Variants in USH2A observed in about 807,000 individuals in gnomAD.
The protein encoded by USH2A is Usher syndrome 2A (autosomal recessive, mild).
A neutral mutation model predicts 538.9 loss-of-function variants in USH2A; 443 were observed. The observed-to-expected ratio is 0.82, with a 90% CI of 0.76 to 0.89. The LOEUF is 0.89. USH2A is among the 40% of genes least tolerant of loss of function. USH2A has a pLI of 0.00. For missense variants in USH2A, 6,633 were observed against 6,324.8 expected, an observed-to-expected ratio of 1.05 and a Z score of -1.65; for synonymous variants, 2,413 against 2,273.5, an observed-to-expected ratio of 1.06 and a Z score of -1.75.
At chr1:215,997,190 C>T (rs1237239856) in intron 34 of USH2A, among the ~76,000 whole-genome samples, 2 of 152,112 alleles carry the variant, frequency 1.3e-5, no homozygotes, top group African/African-American at 4.8e-5. Context: ...GTTGAATCCT[C>T]CCTGAAAATA....
chr1:216,248,812 G>T (rs1040034461), intron 12 of USH2A, among the ~76,000 whole-genome samples: 1 of 151,996 alleles, frequency 6.6e-6, no homozygotes, highest in Non-Finnish European at 1.5e-5. Flanking sequence ...TTCCTGACAG[G>T]TAATCTATTC....
intron 38 of USH2A, among the ~76,000 whole-genome samples, chr1:215,913,935 T>A (rs1049848020): frequency 1.3e-5 from 2 of 151,970 alleles, no homozygotes; most frequent in Admixed American, 6.6e-5. Flanking sequence ...TTTATTAACC[T>A]GCATAATTAC....
In USH2A at chr1:216,327,613, A is replaced by T; in HGVS notation, c.826T>A (p.Tyr276Asn). The T allele has an allele frequency of 6.2e-7, 1 of 1,613,270 alleles. No individual in the cohort carries two copies. ...FVGRMQDFRL[Y>N]QVALTNREIL... ...TACCTGTTTGTAAGTGCCACTTGGT[A>T]TAATCGAAAATCTTGCATTCTTCCG... Residue 276 changes from tyrosine to asparagine, a missense_variant, in exon 5 of 72, where the codon TAC becomes AAC. Transcript: ENST00000307340.
intron 21 of USH2A, among the ~76,000 whole-genome samples, chr1:216,152,810 TA>T (rs940218865): frequency 6.6e-6 from 1 of 152,128 alleles, no homozygotes; most frequent in African/African-American, 2.4e-5. Flanking sequence ...CCCACAGCCC[TA>T]AATAAAAAAA....
chr1:216,078,275 A>C lies in USH2A; in HGVS notation c.5386T>G (p.Cys1796Gly). ...ATGACTTTATTCCACTTTCCATTAC[A>C]ATAGGATAGCCCCAGCAATAGATCC... ...QVDLLLGLSY[C>G]NGKWNKVIIK... The change falls in exon 27 of 72, where the codon TGT becomes GGT. Residue 1796 changes from cysteine (C) to glycine (G), a missense_variant. Cys to Gly is a radical substitution (Grantham distance 159). Transcript: ENST00000307340. The C allele has an allele frequency of 6.2e-7, 1 of 1,613,818 alleles. No individual in the cohort carries two copies. Among genetic ancestry groups the C allele is most frequent in the Non-Finnish European group, 8.5e-7 (1 of 1,179,720 alleles).
rs1208322830 is a variant in USH2A at position 215,799,055 on chromosome 1, T to G, written c.9810A>C (p.Arg3270Ser). 6.2e-7 allele frequency: 1 copy of G among 1,614,108 alleles called. No individual in the cohort carries two copies. The highest frequency in any genetic ancestry group is 1.1e-5 in the South Asian group (1 of 91,086). Residue 3270 changes from arginine (R) to serine (S), a missense_variant, in exon 50 of 72, where the codon AGA becomes AGC. Coordinates refer to ENST00000307340, the MANE Select transcript of USH2A (RefSeq NM_206933.4). ...SVGIGDSCCG[R>S]MPYSTSGNQI... ...GGTTTCCTGAGGTGGAGTACGGCAT[T>G]CTGCCACAGCAGGAATCACCAATGC...
chr1:216,006,978 G>T (rs991074040), intron 32 of USH2A, among the ~76,000 whole-genome samples: 1 of 152,166 alleles, frequency 6.6e-6, no homozygotes, highest in Non-Finnish European at 1.5e-5. Flanking sequence ...CCCACATGTT[G>T]TGGGAGGGAC....
At chr1:215,951,241 C>T (rs2102440911) in intron 37 of USH2A, among the ~76,000 whole-genome samples, 1 of 152,236 alleles carries the variant, frequency 6.6e-6, no homozygotes, top group Middle Eastern at 3.4e-3. Context: ...CCCAGAGATT[C>T]TGGTATGTTG....
intron 61 of USH2A, among the ~76,000 whole-genome samples, chr1:215,727,554 C>A (rs1039423174): frequency 2.6e-5 from 4 of 151,860 alleles, no homozygotes; most frequent in Non-Finnish European, 5.9e-5. Flanking sequence ...TGGTGAAAAC[C>A]CCTCTCTATT....
chr1:215,956,464 T>A lies in USH2A; in HGVS notation c.7120+8853A>T, dbSNP rs367543705. On this transcript the variant is annotated intron_variant, in intron 37 of 71. Coordinates refer to ENST00000307340, the MANE Select transcript of USH2A (RefSeq NM_206933.4). The stretch of plus-strand genomic sequence containing the variant: ...GCCTTCCAAAGCCAAAGGTACATCA[T>A]CTGGGTGATCTGCTGATTGTATTTT... Among the ~76,000 whole-genome samples the A allele has an allele frequency of 1.1e-4, 16 of 152,290 alleles. No individual in the cohort carries two copies. In the East Asian group the frequency reaches 1.7e-3, roughly 17 times the overall value.
intron 7 of USH2A, 22 bp downstream of exon 7, chr1:216,324,146 A>G: frequency 5.0e-6 from 8 of 1,607,456 alleles, no homozygotes; most frequent in Non-Finnish European, 6.8e-6. Flanking sequence ...CTATTAAATT[A>G]ATTGTTTAAA....
rs540284535 is a variant in USH2A at position 215,945,462 on chromosome 1, C to T, written c.7121-10667G>A. 2.6e-5 allele frequency among the ~76,000 whole-genome samples: 4 copies of T among 152,098 alleles called. No homozygotes were observed. The South Asian group carries it at 8.3e-4, about 32-fold the overall frequency. On this transcript the variant is annotated intron_variant, in intron 37 of 71. Coordinates refer to ENST00000307340, the MANE Select transcript of USH2A (RefSeq NM_206933.4). The stretch of plus-strand genomic sequence containing the variant: ...TTTGTCATGAAAAATAATCATTTAC[C>T]TAATAGCACCCTAAGAATGTGGTTT...
intron 60 of USH2A, among the ~76,000 whole-genome samples, chr1:215,733,176 A>G (rs541623503): frequency 1.6e-3 from 191 of 118,096 alleles, no homozygotes; most frequent in African/African-American, 5.9e-3. Flanking sequence ...TGCAGAGAGC[A>G]GGAGCAAGAG....
intron 21 of USH2A, among the ~76,000 whole-genome samples, chr1:216,117,229 C>A (rs1189667073): frequency 5.3e-5 from 8 of 152,004 alleles, no homozygotes. Context: ...CCTTCCAGGC[C>A]AAGGAATACC....
intron 64 of USH2A, among the ~76,000 whole-genome samples, chr1:215,657,016 G>T (rs1242887256): frequency 6.6e-6 from 1 of 152,160 alleles, no homozygotes; most frequent in Non-Finnish European, 1.5e-5. Context: ...TCCCATGAGG[G>T]GGACAAATAG....
intron 51 of USH2A, among the ~76,000 whole-genome samples, chr1:215,788,033 G>A (rs1661853441): frequency 6.6e-6 from 1 of 151,808 alleles, no homozygotes; most frequent in Non-Finnish European, 1.5e-5. Flanking sequence ...ATATATATAT[G>A]TGTGTGTGTG....
Position 215,680,131 on chromosome 1 carries a change from A to T in USH2A, c.12294+18T>A. 2 of 1,611,062 alleles carry T rather than the reference A, an allele frequency of 1.2e-6. No homozygotes were observed. Among genetic ancestry groups the T allele is most frequent in the East Asian group, 2.2e-5 (1 of 44,848 alleles). ...TGGAGAACACCAAACATAATTTCTTATGCAGGGTAGACATTACCTTAATCA... is the reference window on the plus strand; with the variant it reads ...TGGAGAACACCAAACATAATTTCTTTTGCAGGGTAGACATTACCTTAATCA... On this transcript the variant is annotated intron_variant, in intron 62 of 71. Transcript: ENST00000307340.
chr1:215,737,101 T>G (rs953513825), intron 60 of USH2A, among the ~76,000 whole-genome samples: 4 of 151,852 alleles, frequency 2.6e-5, no homozygotes, highest in African/African-American at 9.7e-5. Context: ...ATGATACACA[T>G]CCATATAACA....
chr1:216,131,036 T>C (rs1398940677), intron 21 of USH2A, among the ~76,000 whole-genome samples: 1 of 152,066 alleles, frequency 6.6e-6, no homozygotes, highest in Non-Finnish European at 1.5e-5. Flanking sequence ...GTCGTGGTTT[T>C]GATTTGCATT....
Sources: allele counts gnomAD v4.1 joint callset (sites outside exome capture counted in the v4.1 genomes callset), GRCh38; gene constraint gnomAD v4.1.1; transcripts MANE v1.5; gene names NCBI Gene and HGNC (gene_info 2026-07-23, HGNC 2026-07-21).